SORCS2: variants seen among roughly 807,000 people sequenced by gnomAD.
SORCS2 encodes VPS10 domain-containing receptor SorCS2.
SORCS2 carries 100 observed loss-of-function variants against 141.6 expected under a neutral mutation model. The ratio of observed to expected loss-of-function variants is 0.71; its 90% CI spans 0.60 to 0.83. The LOEUF is 0.83. Ranked by LOEUF, SORCS2 falls within the 40% of genes least tolerant of loss-of-function variation. The probability of loss-of-function intolerance (pLI) is 0.00; values close to 1 mark genes in which losing one functional copy is unlikely to be tolerated. For synonymous variants in SORCS2, 789 were observed against 676.9 expected (o/e 1.17, Z -2.57); for missense variants, 1,646 against 1,560.2 (o/e 1.05, Z -0.93).
chr4:7,472,046 A>T (rs1022990196), intron 2 of SORCS2, among the ~76,000 whole-genome samples: 1 of 152,222 alleles, frequency 6.6e-6, no homozygotes, highest in Non-Finnish European at 1.5e-5. Context: ...GATGGGGTCT[A>T]TGCCTCGGGG....
intron 1 of SORCS2, among the ~76,000 whole-genome samples, chr4:7,393,582 G>A (rs1485424539): frequency 1.3e-5 from 2 of 152,080 alleles, no homozygotes; most frequent in Non-Finnish European, 2.9e-5. Flanking sequence ...ATATTGAAGC[G>A]CTCTCTGCTT....
At position 7,657,222 on chromosome 4, in the gene SORCS2, G is replaced by A. The variant is rs192393152; in HGVS notation, c.887+3015G>A. Among the ~76,000 whole-genome samples, 178 of 152,366 alleles carry A rather than the reference G, an allele frequency of 1.2e-3. 1 individual carries two copies. The highest frequency in any genetic ancestry group is 4.0e-3 in the African/African-American group (167 of 41,588). The stretch of plus-strand genomic sequence containing the variant: ...AGAGCAAGAGACTAAAGGAACAAAC[G>A]TGGTAAATAAATGAATTTATAGGGT... On this transcript the variant is annotated intron_variant, in intron 5 of 26. Transcript: ENST00000507866.
chr4:7,491,678 T>C (rs1731323460), intron 2 of SORCS2, among the ~76,000 whole-genome samples: 1 of 152,242 alleles, frequency 6.6e-6, no homozygotes, highest in South Asian at 2.1e-4. Flanking sequence ...CTTGTGGTTA[T>C]GAAACCTGTA....
chr4:7,492,755 A>G (rs1044072293), intron 2 of SORCS2, among the ~76,000 whole-genome samples: 10 of 152,242 alleles, frequency 6.6e-5, no homozygotes, highest in African/African-American at 2.4e-4. Flanking sequence ...GTTTTATTTA[A>G]TAAGGAAGTC....
intron 2 of SORCS2, among the ~76,000 whole-genome samples, chr4:7,495,643 G>C (rs1300668931): frequency 6.6e-6 from 1 of 152,222 alleles, no homozygotes; most frequent in African/African-American, 2.4e-5. Flanking sequence ...TCACAGCTGG[G>C]AGGGCCATGG....
intron 18 of SORCS2, among the ~76,000 whole-genome samples, chr4:7,719,909 C>T (rs1471583111): frequency 6.6e-6 from 1 of 152,150 alleles, no homozygotes; most frequent in Non-Finnish European, 1.5e-5. Flanking sequence ...TCAAAAGATG[C>T]TCTTGGTGGG....
At chr4:7,203,170 G>A (rs970066189) in intron 1 of SORCS2, among the ~76,000 whole-genome samples, 1 of 152,218 alleles carries the variant, frequency 6.6e-6, no homozygotes. Context: ...GGTGGCTCAC[G>A]CCTGTAATCC....
At chr4:7,473,420 G>C (rs1730100998) in intron 2 of SORCS2, among the ~76,000 whole-genome samples, 1 of 152,188 alleles carries the variant, frequency 6.6e-6, no homozygotes, top group African/African-American at 2.4e-5. Flanking sequence ...CCTCCTCGCA[G>C]GGAGCGGCTC....
intron 2 of SORCS2, among the ~76,000 whole-genome samples, chr4:7,474,384 C>T (rs1470421568): frequency 6.6e-6 from 1 of 152,226 alleles, no homozygotes; most frequent in Non-Finnish European, 1.5e-5. Flanking sequence ...AGGCATCCCT[C>T]CCTTCAATGT....
At chr4:7,383,069 C>G (rs1560236817) in intron 1 of SORCS2, among the ~76,000 whole-genome samples, 1 of 152,084 alleles carries the variant, frequency 6.6e-6, no homozygotes, top group East Asian at 1.9e-4. Context: ...GCGCTTCGAT[C>G]CCACGGAGTC....
At chr4:7,569,959 G>A (rs1443754850) in intron 3 of SORCS2, among the ~76,000 whole-genome samples, 7 of 152,146 alleles carry the variant, frequency 4.6e-5, no homozygotes, top group African/African-American at 9.7e-5. Context: ...CTCTGGTAGC[G>A]GCTGGATGAG....
At chr4:7,589,168 A>T (rs925228199) in intron 3 of SORCS2, among the ~76,000 whole-genome samples, 29 of 152,208 alleles carry the variant, frequency 1.9e-4, no homozygotes, top group African/African-American at 6.5e-4. Context: ...GTTTCCTGGT[A>T]GAAGCCTGCA....
At chr4:7,728,006 G>A (rs2148889115) in intron 21 of SORCS2, among the ~76,000 whole-genome samples, 1 of 152,348 alleles carries the variant, frequency 6.6e-6, no homozygotes, top group South Asian at 2.1e-4. Flanking sequence ...AAATCTCACA[G>A]AGCAGGCTTG....
At chr4:7,324,493 G>A (rs779797570) in intron 1 of SORCS2, among the ~76,000 whole-genome samples, 90 of 152,204 alleles carry the variant, frequency 5.9e-4, no homozygotes, top group Non-Finnish European at 1.2e-3. Flanking sequence ...AGAGGATGTG[G>A]GAACTGCGCG....
intron 1 of SORCS2, among the ~76,000 whole-genome samples, chr4:7,272,770 G>A (rs951774940): frequency 2.6e-5 from 4 of 152,382 alleles, no homozygotes; most frequent in Non-Finnish European, 2.9e-5. Context: ...ATCAGATCTC[G>A]CGCTTCAGGG....
chr4:7,407,151 T>G (rs1725018203), intron 2 of SORCS2, among the ~76,000 whole-genome samples: 2 of 152,028 alleles, frequency 1.3e-5, no homozygotes, highest in South Asian at 2.1e-4. Flanking sequence ...TTCTATAGCA[T>G]TTGGGTGAAA....
intron 1 of SORCS2, among the ~76,000 whole-genome samples, chr4:7,381,138 C>T (rs565942357): frequency 6.6e-6 from 1 of 151,602 alleles, no homozygotes; most frequent in South Asian, 2.1e-4. Flanking sequence ...ATGATGTATC[C>T]TCCTGGTGGG....
chr4:7,647,837 T>C (rs989397733), intron 4 of SORCS2, among the ~76,000 whole-genome samples: 5 of 152,222 alleles, frequency 3.3e-5, no homozygotes, highest in Admixed American at 2.6e-4. Flanking sequence ...TCAGGGAACC[T>C]GCCATGGGAA....
At chr4:7,319,662 T>C (rs1312862771) in intron 1 of SORCS2, among the ~76,000 whole-genome samples, 4 of 152,170 alleles carry the variant, frequency 2.6e-5, no homozygotes, top group African/African-American at 9.7e-5. Flanking sequence ...TGCAGTGAAC[T>C]ATGATCATGC....
Sources: gnomAD v4.1 joint callset for allele counts (sites outside exome capture counted in the v4.1 genomes callset) on GRCh38, gnomAD v4.1.1 for gene constraint, MANE v1.5 for transcripts, NCBI Gene and HGNC (gene_info 2026-07-23, HGNC 2026-07-21) for gene names.